The following CAMK1D variants were observed in gnomAD, a reference collection of about 807,000 sequenced individuals.
CAMK1D encodes calcium/calmodulin dependent protein kinase ID, also known as calcium/calmodulin-dependent protein kinase type 1D.
A neutral mutation model predicts 47.7 loss-of-function variants in CAMK1D; 9 were observed. The ratio of observed to expected loss-of-function variants is 0.19; its 90% CI spans 0.11 to 0.33. The LOEUF (loss-of-function observed/expected upper bound fraction) is 0.33. Among genes scored for constraint, CAMK1D ranks in the 10% least tolerant of loss-of-function variants. CAMK1D has a pLI of 1.00. For synonymous variants in CAMK1D, 184 were observed against 184.9 expected, an observed-to-expected ratio of 0.99 and a Z score of 0.04; for missense variants, 291 against 488.7, an observed-to-expected ratio of 0.60 and a Z score of 3.81.
chr10:12,669,494 G>C (rs536976611), intron 3 of CAMK1D, among the ~76,000 whole-genome samples: 5 of 152,260 alleles, frequency 3.3e-5, no homozygotes, highest in African/African-American at 1.2e-4. Flanking sequence ...ATGTTAAATT[G>C]TATCCTTTTT....
intron 1 of CAMK1D, among the ~76,000 whole-genome samples, chr10:12,426,068 T>C (rs1205906583): frequency 1.3e-5 from 2 of 152,206 alleles, no homozygotes; most frequent in Non-Finnish European, 1.5e-5. Context: ...TCCTCTTTAG[T>C]GCACCGTTCA....
At chr10:12,643,512 C>G (rs1024724727) in intron 2 of CAMK1D, among the ~76,000 whole-genome samples, 3 of 152,294 alleles carry the variant, frequency 2.0e-5, no homozygotes, top group Middle Eastern at 3.4e-3. Context: ...CAGTGGCGGC[C>G]TTAGATTCTC....
intron 1 of CAMK1D, among the ~76,000 whole-genome samples, chr10:12,371,316 C>A (rs966660405): frequency 6.6e-6 from 1 of 152,104 alleles, no homozygotes; most frequent in Admixed American, 6.6e-5. Context: ...GTGGCTCACA[C>A]CTGTAATCCC....
chr10:12,393,841 G>A (rs946275928), intron 1 of CAMK1D, among the ~76,000 whole-genome samples: 3 of 152,218 alleles, frequency 2.0e-5, no homozygotes, highest in African/African-American at 7.2e-5. Context: ...AAGGAAAATG[G>A]CAGCTTACGC....
chr10:12,592,889 ATC>A (rs1244828245), intron 2 of CAMK1D, among the ~76,000 whole-genome samples: 1 of 152,006 alleles, frequency 6.6e-6, no homozygotes, highest in Non-Finnish European at 1.5e-5. Context: ...TCTGCTTAAA[ATC>A]TCTCTTGTTC....
intron 10 of CAMK1D, among the ~76,000 whole-genome samples, chr10:12,828,366 CG>C (rs143668595): frequency 0.32 from 48,582 of 151,904 alleles, 8,101 homozygotes; most frequent in African/African-American, 0.41. Context: ...GCAAGTTGGG[CG>C]CGGTGGCTCA....
intron 1 of CAMK1D, among the ~76,000 whole-genome samples, chr10:12,413,972 G>A (rs1839759409): frequency 6.6e-6 from 1 of 152,120 alleles, no homozygotes; most frequent in African/African-American, 2.4e-5. Flanking sequence ...GTTTTCTAAC[G>A]ATGAGATATC....
intron 3 of CAMK1D, among the ~76,000 whole-genome samples, chr10:12,744,275 A>G (rs1835563190): frequency 1.3e-5 from 2 of 152,206 alleles, no homozygotes; most frequent in East Asian, 3.8e-4. Context: ...GCTATTATGA[A>G]CAATTCTGCT....
intron 3 of CAMK1D, among the ~76,000 whole-genome samples, chr10:12,750,766 G>T (rs1238982306): frequency 6.6e-6 from 1 of 152,178 alleles, no homozygotes; most frequent in Non-Finnish European, 1.5e-5. Context: ...AAGGAGGTAG[G>T]CAGGCCAGAT....
At chr10:12,801,349 CTATCT>C (rs1564572160) in intron 6 of CAMK1D, among the ~76,000 whole-genome samples, 53 of 107,660 alleles carry the variant, frequency 4.9e-4, no homozygotes, top group African/African-American at 1.5e-3. Context: ...ATCTATCTAT[CTATCT>C]TATCTATCTA....
Position 12,500,853 on chromosome 10 carries a change from T to C in CAMK1D, c.93-52372T>C, listed in dbSNP as rs181953857. Among the ~76,000 whole-genome samples the C allele has an allele frequency of 2.6e-4, 40 of 152,378 alleles. No individual in the cohort carries two copies. The East Asian group carries it at 3.8e-3, about 15-fold the overall frequency. On this transcript the variant is annotated intron_variant, in intron 1 of 10. Transcript: ENST00000619168. The stretch of plus-strand genomic sequence containing the variant: ...ACATGATCAAATTCTCTTGTTAGCA[T>C]GAAGAAGAGGAAACTGTGCTGTTAT...
chr10:12,482,822 C>G (rs1310167062), intron 1 of CAMK1D, among the ~76,000 whole-genome samples: 1 of 152,160 alleles, frequency 6.6e-6, no homozygotes, highest in African/African-American at 2.4e-5. Flanking sequence ...CACGACGGTG[C>G]TGGAGAGCTC....
chr10:12,766,027 G>T (rs1037761179), intron 4 of CAMK1D, among the ~76,000 whole-genome samples: 1 of 141,426 alleles, frequency 7.1e-6, no homozygotes, highest in Non-Finnish European at 1.5e-5. Flanking sequence ...GTGCAATGGC[G>T]CAATCTCAAC....
chr10:12,716,832 G>A (rs1338008010), intron 3 of CAMK1D, among the ~76,000 whole-genome samples: 1 of 152,124 alleles, frequency 6.6e-6, no homozygotes, highest in Non-Finnish European at 1.5e-5. Context: ...GGGAGTAGAG[G>A]CCAGGCTGGT....
chr10:12,685,764 T>G (rs533283986), intron 3 of CAMK1D, among the ~76,000 whole-genome samples: 36 of 152,264 alleles, frequency 2.4e-4, no homozygotes, highest in African/African-American at 8.4e-4. Context: ...TGGAAACAAG[T>G]CATGGAAGAT....
At chr10:12,820,360 G>T (rs192863402) in intron 8 of CAMK1D, among the ~76,000 whole-genome samples, 3 of 152,322 alleles carry the variant, frequency 2.0e-5, no homozygotes, top group Admixed American at 6.5e-5. Flanking sequence ...TCAAACCCTG[G>T]AAAATGATGA....
intron 3 of CAMK1D, among the ~76,000 whole-genome samples, chr10:12,733,477 A>G (rs1358109434): frequency 1.3e-5 from 2 of 152,226 alleles, no homozygotes; most frequent in South Asian, 4.1e-4. Context: ...ACTTCCTGGC[A>G]TAGAGTGGCT....
intron 1 of CAMK1D, among the ~76,000 whole-genome samples, chr10:12,487,579 G>C (rs1358832912): frequency 2.0e-5 from 3 of 152,248 alleles, no homozygotes; most frequent in Non-Finnish European, 4.4e-5. Flanking sequence ...AGTCATCCTT[G>C]AATCCTTTTC....
rs1564407756 is a variant in CAMK1D at position 12,553,209 on chromosome 10, C to T, written c.93-16C>T. The T allele has an allele frequency of 9.3e-6, 15 of 1,606,244 alleles. No homozygotes were observed. The highest frequency in any genetic ancestry group is 8.6e-5 in the Admixed American group (5 of 58,300). On this transcript the variant is annotated splice_polypyrimidine_tract_variant and intron_variant, in intron 1 of 10. Coordinates refer to ENST00000619168, the MANE Select transcript of CAMK1D (RefSeq NM_153498.4). ...CTTCTGCATCTAAGTGTTCTTTTTT[C>T]CTTCTTTGTTCACAGCGGGGCCTTT...
Sources: allele counts gnomAD v4.1 joint callset (sites outside exome capture counted in the v4.1 genomes callset), GRCh38; gene constraint gnomAD v4.1.1; transcripts MANE v1.5; gene names NCBI Gene and HGNC (gene_info 2026-07-23, HGNC 2026-07-21).